Variants in ADAR observed in about 807,000 individuals in gnomAD.
ADAR encodes adenosine deaminase RNA specific.
In ADAR, 41 loss-of-function variants were observed where a neutral mutation model predicts 113.2. The ratio of observed to expected loss-of-function variants is 0.36; its 90% CI spans 0.28 to 0.47. ADAR has a LOEUF of 0.47. Among genes scored for constraint, ADAR ranks in the 20% least tolerant of loss-of-function variants. ADAR has a pLI of 1.00. For synonymous variants in ADAR, 605 were observed against 572.6 expected (o/e 1.06, Z -0.81); for missense variants, 1,242 against 1,540.9 (o/e 0.81, Z 3.25).
chr1:154,609,043 T>C (rs1698390909), upstream of ADAR, among the ~76,000 whole-genome samples: 1 of 152,204 alleles, frequency 6.6e-6, no homozygotes, highest in South Asian at 2.1e-4. Context: ...ACTTTACATG[T>C]ATTATCTCCC....
At chr1:154,611,875 A>G (rs1698497208), upstream of ADAR, among the ~76,000 whole-genome samples, 1 of 152,264 alleles carries the variant, frequency 6.6e-6, no homozygotes, top group African/African-American at 2.4e-5. Flanking sequence ...TCCACATAGC[A>G]GTGCCAAGCT....
upstream of ADAR, among the ~76,000 whole-genome samples, chr1:154,612,956 C>A (rs1051067717): frequency 2.0e-5 from 3 of 151,688 alleles, no homozygotes; most frequent in African/African-American, 7.3e-5. Flanking sequence ...GGACTACAGG[C>A]ACATGCCACC....
intron 6 of ADAR, among the ~76,000 whole-genome samples, chr1:154,592,240 TAA>T (rs1468320348): frequency 6.6e-6 from 1 of 152,060 alleles, no homozygotes; most frequent in African/African-American, 2.4e-5. Flanking sequence ...TCATCATCCT[TAA>T]AGTCTCAGCT....
At chr1:154,592,368 A>C (rs910611768) in intron 6 of ADAR, among the ~76,000 whole-genome samples, 3 of 152,220 alleles carry the variant, frequency 2.0e-5, no homozygotes, top group Non-Finnish European at 2.9e-5. Context: ...ATGAGATCTT[A>C]CATTTCTTTA....
chr1:154,600,983 G>A (rs749314926), intron 2 of ADAR, 58 bp downstream of exon 2: 43 of 1,609,932 alleles, frequency 2.7e-5, no homozygotes, highest in Middle Eastern at 2.0e-4. Flanking sequence ...CCAAGACTGC[G>A]TCAGGAGCAA....
intron 1 of ADAR, among the ~76,000 whole-genome samples, chr1:154,615,567 G>T (rs531119314): frequency 1.3e-5 from 2 of 152,088 alleles, no homozygotes; most frequent in East Asian, 3.9e-4. Flanking sequence ...ATACCACCAT[G>T]CTTGGCTAAT....
At position 154,586,185 on chromosome 1, in the gene ADAR, T is replaced by C; in HGVS notation, c.3198A>G (p.Thr1066=). The C allele has an allele frequency of 1.2e-6, 2 of 1,614,134 alleles. No individual in the cohort carries two copies. The highest frequency in any genetic ancestry group is 1.1e-5 in the South Asian group (1 of 91,080). The change falls in exon 12 of 15, where the codon ACA becomes ACG. Residue 1066 remains threonine, a synonymous_variant. Transcript: ENST00000368474. The stretch of plus-strand genomic sequence containing the variant: ...ATCCCAAGGCAGGCCCCTTACCCAA[T>C]GTGACAGATTTGAGATAAATGGGCT... ...FLQPIYLKSV[T]LGYLFSQGHL...
chr1:154,626,858 A>G (rs185988363), intron 1 of ADAR, among the ~76,000 whole-genome samples: 23 of 152,366 alleles, frequency 1.5e-4, no homozygotes, highest in Admixed American at 1.3e-3. Context: ...CTGTTTGTAA[A>G]TAACGACCAA....
chr1:154,590,151 C>CA (rs762791967), intron 7 of ADAR, 33 bp downstream of exon 7: 17 of 1,328,452 alleles, frequency 1.3e-5, no homozygotes, highest in Non-Finnish European at 1.6e-5. Context: ...ACCCCCCCGC[C>CA]CCAAAAAAGG....
At chr1:154,606,362 T>A (rs1571124330) in intron 1 of ADAR, among the ~76,000 whole-genome samples, 1 of 152,170 alleles carries the variant, frequency 6.6e-6, no homozygotes, top group African/African-American at 2.4e-5. Flanking sequence ...ATGTGTCATA[T>A]CTATTTGTAT....
At chr1:154,598,307 G>T in intron 3 of ADAR, 95 bp downstream of exon 3, 1 of 1,364,354 alleles carries the variant, frequency 7.3e-7, no homozygotes, top group Non-Finnish European at 1.0e-6. Flanking sequence ...CCGAGATGGT[G>T]TCAGTTGTTT....
At chr1:154,627,966 A>T (rs965815348) in exon 1 of ADAR, 1 of 506,610 alleles carries the variant, frequency 2.0e-6, no homozygotes, top group Admixed American at 2.0e-5. Flanking sequence ...TCAGTCGGGA[A>T]TCAATGGTCT....
At position 154,596,909 on chromosome 1, in the gene ADAR, G is replaced by T. The variant is rs1158753797; in HGVS notation, c.2166C>A (p.Tyr722Ter). 6.2e-7 allele frequency: 1 copy of T among 1,614,016 alleles called. No individual in the cohort carries two copies. The highest frequency in any genetic ancestry group is 8.5e-7 in the Non-Finnish European group (1 of 1,180,040). The change falls in exon 6 of 15, where the codon TAC (tyrosine) becomes TAA (stop). Residue 722 changes from tyrosine (Y) to a stop codon, truncating the protein, a stop_gained. Transcript: ENST00000368474. LOFTEE classifies it high-confidence loss of function. ...GGCCACCCACAGGGTTGGTGTTCAG[G>T]TATCTCACGAGCTCGCCAATCTTCC... ...KVRKIGELVR[Y>*]LNTNPVGGLL...
intron 6 of ADAR, among the ~76,000 whole-genome samples, chr1:154,591,340 T>C (rs1360200232): frequency 6.6e-6 from 1 of 152,218 alleles, no homozygotes. Context: ...CCCAACTCCA[T>C]TCCCTCATTT....
chr1:154,588,052 C>G (rs1025733782), intron 11 of ADAR, 73 bp downstream of exon 11: 1 of 1,602,836 alleles, frequency 6.2e-7, no homozygotes, highest in Non-Finnish European at 8.5e-7. Context: ...TCCTAGCAGC[C>G]TTGTAGAGAC....
intron 1 of ADAR, among the ~76,000 whole-genome samples, chr1:154,625,380 C>T (rs1478037054): frequency 2.0e-5 from 3 of 152,210 alleles, no homozygotes; most frequent in African/African-American, 7.2e-5. Flanking sequence ...AAGAGCAAGA[C>T]TCAAACCACA....
At chr1:154,595,684 T>G (rs1697447476) in intron 6 of ADAR, among the ~76,000 whole-genome samples, 1 of 152,104 alleles carries the variant, frequency 6.6e-6, no homozygotes, top group Non-Finnish European at 1.5e-5. Flanking sequence ...AGTAAAAAAG[T>G]TACAGTAAGC....
chr1:154,585,495 T>C, intron 13 of ADAR, 151 bp from the exon 14 acceptor site: 1 of 1,107,172 alleles, frequency 9.0e-7, no homozygotes, highest in Non-Finnish European at 1.3e-6. Flanking sequence ...CTGAGCACCC[T>C]CTAGACATAC....
upstream of ADAR, among the ~76,000 whole-genome samples, chr1:154,610,834 A>AAAAAAAAAT (rs1698464009): frequency 7.0e-6 from 1 of 142,162 alleles, no homozygotes; most frequent in Non-Finnish European, 1.5e-5. Context: ...GAAAAAAAAA[A>AAAAAAAAAT]AAAAAAAGAC....
Sources: gnomAD v4.1 joint callset for allele counts (sites outside exome capture counted in the v4.1 genomes callset) on GRCh38, gnomAD v4.1.1 for gene constraint, MANE v1.5 for transcripts, NCBI Gene and HGNC (gene_info 2026-07-23, HGNC 2026-07-21) for gene names.